The following CDYL2 variants were observed in gnomAD, a reference collection of about 807,000 sequenced individuals.
The protein encoded by CDYL2 is chromodomain Y-like protein 2.
Under a neutral mutation model 49.4 loss-of-function variants are expected in CDYL2, and 23 were observed. The ratio of observed to expected loss-of-function variants is 0.47; its 90% CI spans 0.34 to 0.66. CDYL2 has a LOEUF of 0.66. Ranked by LOEUF, CDYL2 falls within the 30% of genes least tolerant of loss-of-function variation. The probability of loss-of-function intolerance (pLI) is 0.01; values close to 1 mark genes in which losing one functional copy is unlikely to be tolerated. For missense variants in CDYL2, 678 were observed against 656.4 expected, an observed-to-expected ratio of 1.03 and a Z score of -0.36; for synonymous variants, 360 against 268.8, an observed-to-expected ratio of 1.34 and a Z score of -3.32.
intron 1 of CDYL2, among the ~76,000 whole-genome samples, chr16:80,728,936 G>C (rs1462181833): frequency 1.3e-5 from 2 of 151,058 alleles, no homozygotes; most frequent in Non-Finnish European, 2.9e-5. Context: ...TGCCCTAAAA[G>C]AGCTCCTGAA....
At chr16:80,730,095 T>A (rs963640532) in intron 1 of CDYL2, among the ~76,000 whole-genome samples, 6 of 151,784 alleles carry the variant, frequency 4.0e-5, no homozygotes, top group African/African-American at 1.5e-4. Flanking sequence ...AAGAAATAAC[T>A]AAGATCAGAG....
intron 1 of CDYL2, among the ~76,000 whole-genome samples, chr16:80,792,179 T>C (rs1255489780): frequency 2.0e-5 from 3 of 152,178 alleles, no homozygotes; most frequent in African/African-American, 4.8e-5. Flanking sequence ...TGAAGTTAGA[T>C]AGATAGTTCC....
chr16:80,733,087 T>C (rs1905388780), intron 1 of CDYL2, among the ~76,000 whole-genome samples: 1 of 152,234 alleles, frequency 6.6e-6, no homozygotes, highest in Admixed American at 6.5e-5. Context: ...GATAACGTTC[T>C]TTCTACAGCC....
At chr16:80,747,735 C>G (rs1905982444) in intron 1 of CDYL2, among the ~76,000 whole-genome samples, 1 of 152,128 alleles carries the variant, frequency 6.6e-6, no homozygotes, top group Non-Finnish European at 1.5e-5. Context: ...CCTCTAGAAC[C>G]ACTGAGTAAG....
rs1212003680 is a variant in CDYL2 at position 80,620,858 on chromosome 16, C to A, written c.912G>T (p.Gly304=). The A allele has an allele frequency of 6.2e-7, 1 of 1,613,430 alleles. No individual in the cohort carries two copies. Among genetic ancestry groups the A allele is most frequent in the South Asian group, 1.1e-5 (1 of 91,038 alleles). ...DSKLLLLSAV[G]SVFCSGLDYS... ...AATCCAGGCCGCTGCAGAACACGCT[C>A]CCCACTGCGCTGAGGAGCAGCAGTT... Residue 304 remains glycine, a synonymous_variant, in exon 4 of 7, where the codon GGG becomes GGT. Coordinates refer to ENST00000570137, the MANE Select transcript of CDYL2 (RefSeq NM_152342.4).
intron 3 of CDYL2, among the ~76,000 whole-genome samples, chr16:80,630,402 G>A (rs1350146599): frequency 1.3e-5 from 2 of 152,200 alleles, no homozygotes; most frequent in African/African-American, 2.4e-5. Context: ...CTTCACATGT[G>A]TTCAATTTCT....
intron 3 of CDYL2, among the ~76,000 whole-genome samples, chr16:80,625,012 C>T (rs574879462): frequency 3.7e-4 from 56 of 152,120 alleles, no homozygotes; most frequent in Non-Finnish European, 6.9e-4. Context: ...AGGAGAAAGT[C>T]AATATTGAAA....
intron 1 of CDYL2, among the ~76,000 whole-genome samples, chr16:80,789,429 A>G (rs540653814): frequency 2.0e-3 from 303 of 152,138 alleles, no homozygotes; most frequent in African/African-American, 6.9e-3. Flanking sequence ...GTGAAACCCC[A>G]TCTCTACTAA....
At chr16:80,609,052 T>C (rs1047665793) in intron 5 of CDYL2, among the ~76,000 whole-genome samples, 3 of 152,192 alleles carry the variant, frequency 2.0e-5, no homozygotes, top group Admixed American at 1.3e-4. Context: ...CTGCCCAGTC[T>C]TGAAGGGCAG....
intron 1 of CDYL2, among the ~76,000 whole-genome samples, chr16:80,758,096 G>T (rs558880124): frequency 6.6e-6 from 1 of 152,052 alleles, no homozygotes; most frequent in Non-Finnish European, 1.5e-5. Context: ...AAAATCAAAA[G>T]TCCAGAAATA....
chr16:80,664,897 T>C (rs932623897), intron 2 of CDYL2, among the ~76,000 whole-genome samples: 1 of 152,176 alleles, frequency 6.6e-6, no homozygotes. Flanking sequence ...GCAAGAGGGT[T>C]TGGCTTAGCA....
At chr16:80,732,367 A>G (rs1381021670) in intron 1 of CDYL2, among the ~76,000 whole-genome samples, 1 of 152,190 alleles carries the variant, frequency 6.6e-6, no homozygotes, top group South Asian at 2.1e-4. Context: ...GTTACACTCA[A>G]GTTTGGAGGC....
At chr16:80,677,238 T>C (rs111805051) in intron 2 of CDYL2, among the ~76,000 whole-genome samples, 4,138 of 152,180 alleles carry the variant, frequency 0.027, 89 homozygotes, top group African/African-American at 0.057. Context: ...CCCAAAGTGC[T>C]GGGATTACAG....
intron 1 of CDYL2, among the ~76,000 whole-genome samples, chr16:80,732,218 C>G (rs751402761): frequency 3.3e-5 from 5 of 152,020 alleles, no homozygotes; most frequent in Non-Finnish European, 7.4e-5. Flanking sequence ...ACACTTTTTC[C>G]ACATTTTAAC....
chr16:80,696,589 A>T (rs1910621897), intron 1 of CDYL2, among the ~76,000 whole-genome samples: 1 of 152,110 alleles, frequency 6.6e-6, no homozygotes, highest in African/African-American at 2.4e-5. Context: ...ATATGCCAAC[A>T]AATTGGAAAG....
At chr16:80,725,910 G>A (rs140307753) in intron 1 of CDYL2, among the ~76,000 whole-genome samples, 99 of 152,238 alleles carry the variant, frequency 6.5e-4, no homozygotes, top group African/African-American at 2.2e-3. Flanking sequence ...CTAAGACATT[G>A]GGGCATGAAG....
intron 3 of CDYL2, among the ~76,000 whole-genome samples, chr16:80,626,744 C>T (rs1465082818): frequency 6.6e-6 from 1 of 152,122 alleles, no homozygotes; most frequent in Non-Finnish European, 1.5e-5. Context: ...GGCATCATCA[C>T]GGTGTATGGA....
intron 4 of CDYL2, among the ~76,000 whole-genome samples, chr16:80,616,608 C>T (rs1045037940): frequency 8.5e-5 from 13 of 152,274 alleles, no homozygotes; most frequent in African/African-American, 3.1e-4. Flanking sequence ...CGGGACCAAA[C>T]AGTGACCACC....
At chr16:80,654,982 T>C (rs114742361) in intron 2 of CDYL2, among the ~76,000 whole-genome samples, 3,910 of 152,242 alleles carry the variant, frequency 0.026, 137 homozygotes, top group African/African-American at 0.07. Context: ...GAGCTGGCTG[T>C]GGTTTCTGCA....
Sources: gnomAD v4.1 joint callset for allele counts (sites outside exome capture counted in the v4.1 genomes callset) on GRCh38, gnomAD v4.1.1 for gene constraint, MANE v1.5 for transcripts, NCBI Gene and HGNC (gene_info 2026-07-23, HGNC 2026-07-21) for gene names.